The following PTPRZ1 variants were observed in gnomAD, a reference collection of about 807,000 sequenced individuals.
PTPRZ1 encodes receptor-type tyrosine-protein phosphatase zeta.
In PTPRZ1, 82 loss-of-function variants were observed where a neutral mutation model predicts 214.1. The ratio of observed to expected loss-of-function variants is 0.38; its 90% confidence interval spans 0.32 to 0.46. The LOEUF is 0.46. PTPRZ1 is among the 20% of genes least tolerant of loss of function. PTPRZ1 has a pLI of 1.00. For synonymous variants in PTPRZ1, 945 were observed against 987.9 expected, an observed-to-expected ratio of 0.96 and a Z score of 0.81; for missense variants, 2,603 against 2,748.7, an observed-to-expected ratio of 0.95 and a Z score of 1.19.
Position 122,010,705 on chromosome 7 carries a change from G to A in PTPRZ1, c.1659G>A (p.Leu553=). 3 of 1,613,946 alleles carry A rather than the reference G, an allele frequency of 1.9e-6. No individual in the cohort carries two copies. Among genetic ancestry groups the A allele is most frequent in the Non-Finnish European group, 2.5e-6 (3 of 1,179,938 alleles). ...KTVLRSPHMN[L]SGTAESLNTV... ...TTCTTAGATCTCCACATATGAACTT[G>A]TCGGGGACTGCAGAATCCTTAAATA... Residue 553 remains leucine (L), a synonymous_variant, in exon 12 of 30, where the codon TTG becomes TTA. Transcript: ENST00000393386.
intron 1 of PTPRZ1, among the ~76,000 whole-genome samples, chr7:121,901,476 G>A (rs181161013): frequency 1.4e-4 from 22 of 152,206 alleles, no homozygotes; most frequent in Non-Finnish European, 1.5e-5. Context: ...CAATTACAGA[G>A]TTACCAAAAA....
chr7:122,011,833 C>A lies in PTPRZ1; in HGVS notation c.2787C>A (p.Ala929=), dbSNP rs747526069. ...CTTCAGGGCCTGAACCTTCTTATGC[C>A]TTGTCTGATAATGAGGGCTCCCAAC... ...ARSSGPEPSY[A]LSDNEGSQHI... The change falls in exon 12 of 30, where the codon GCC becomes GCA. Residue 929 remains alanine, a synonymous_variant. Transcript: ENST00000393386. The A allele has an allele frequency of 5.0e-6, 8 of 1,613,776 alleles. No individual in the cohort carries two copies. Among genetic ancestry groups the A allele is most frequent in the Non-Finnish European group, 6.8e-6 (8 of 1,179,776 alleles).
Position 122,021,468 on chromosome 7 carries a change from CACACCTGT to C in PTPRZ1, c.4988+2202_4988+2209del, listed in dbSNP as rs1799014677. Among the ~76,000 whole-genome samples the C allele has an allele frequency of 3.9e-5, 6 of 152,214 alleles. No homozygotes were observed. In the South Asian group the frequency reaches 1.2e-3, roughly 32 times the overall value. On this transcript the variant is annotated intron_variant, in intron 13 of 29. Coordinates refer to ENST00000393386, the MANE Select transcript of PTPRZ1 (RefSeq NM_002851.3). ...AGTATTTTGGCCAGGCACAGTGGCTCACACCTGTAATCCCAGCAATTTGCAAAGGTGAA... is the reference window on the plus strand; with the variant it reads ...AGTATTTTGGCCAGGCACAGTGGCTCAATCCCAGCAATTTGCAAAGGTGAA...
chr7:121,959,858 G>A (rs1796822613), intron 2 of PTPRZ1, among the ~76,000 whole-genome samples: 1 of 152,194 alleles, frequency 6.6e-6, no homozygotes, highest in African/African-American at 2.4e-5. Context: ...GTTTGGGTAT[G>A]TTTGTTAGCA....
intron 14 of PTPRZ1, among the ~76,000 whole-genome samples, chr7:122,030,038 GT>G (rs377503442): frequency 3.6e-4 from 55 of 151,944 alleles, no homozygotes; most frequent in African/African-American, 1.3e-3. Context: ...ATCAGCATGG[GT>G]ATGCAGATTA....
At chr7:121,975,177 A>AC (rs1331659790) in intron 4 of PTPRZ1, among the ~76,000 whole-genome samples, 1 of 151,924 alleles carries the variant, frequency 6.6e-6, no homozygotes, top group Non-Finnish European at 1.5e-5. Flanking sequence ...ACAGAGTGAG[A>AC]CCCCCTCTCA....
At chr7:121,974,078 A>T (rs1354361108) in intron 4 of PTPRZ1, among the ~76,000 whole-genome samples, 1 of 152,030 alleles carries the variant, frequency 6.6e-6, no homozygotes, top group Non-Finnish European at 1.5e-5. Context: ...ACCTAGAATG[A>T]AACTATTCAT....
chr7:121,999,604 C>T (rs10248715), intron 10 of PTPRZ1, among the ~76,000 whole-genome samples: 12,428 of 152,164 alleles, frequency 0.082, 721 homozygotes, highest in East Asian at 0.2. Context: ...ACTCTAATTT[C>T]GTACCTAAAA....
intron 6 of PTPRZ1, 69 bp downstream of exon 6, chr7:121,976,920 AC>A: frequency 7.4e-7 from 1 of 1,345,696 alleles, no homozygotes; most frequent in Non-Finnish European, 1.0e-6. Flanking sequence ...TGACAATACG[AC>A]AAAAGTCACT....
chr7:122,042,805 G>A (rs1799773743), intron 22 of PTPRZ1, 62 bp downstream of exon 22: 1 of 1,531,316 alleles, frequency 6.5e-7, no homozygotes, highest in Admixed American at 1.7e-5. Flanking sequence ...TAAAATGTAG[G>A]TGTATTCATC....
chr7:121,938,310 A>C (rs537050225), intron 2 of PTPRZ1, among the ~76,000 whole-genome samples: 47 of 152,382 alleles, frequency 3.1e-4, no homozygotes, highest in Middle Eastern at 6.8e-3. Context: ...AAATAGGTAC[A>C]ACCCATTGCA....
chr7:122,059,735 C>CTT lies in PTPRZ1; in HGVS notation c.6672-7_6672-6dup, dbSNP rs55805372. The CTT allele has an allele frequency of 1.2e-4, 157 of 1,275,872 alleles. No individual in the cohort carries two copies. The highest frequency in any genetic ancestry group is 2.7e-4 in the Admixed American group (12 of 45,148). The allele number at this position is 1,275,872 out of a possible 1,614,324, so 79.0% of individuals were successfully genotyped here. A position where few individuals can be genotyped will look rare whatever the true frequency, so the allele number is the denominator to read the frequency against. On this transcript the variant is annotated splice_polypyrimidine_tract_variant and intron_variant, in intron 28 of 29. Transcript: ENST00000393386. Reference sequence around the variant, plus strand: ...TCTCAATGGAGTCTTTGTTCCTTTTCTTTTTTTTTTTTACAAGGCATGGAG... The same window carrying CTT: ...TCTCAATGGAGTCTTTGTTCCTTTTCTTTTTTTTTTTTTTACAAGGCATGGAG...
chr7:121,956,802 A>C (rs1796720754), intron 2 of PTPRZ1, among the ~76,000 whole-genome samples: 1 of 152,248 alleles, frequency 6.6e-6, no homozygotes, highest in Admixed American at 6.5e-5. Flanking sequence ...TGTCAAAGTC[A>C]GGAAATCTTT....
chr7:122,022,338 A>G (rs1799042302), intron 13 of PTPRZ1, among the ~76,000 whole-genome samples: 1 of 152,212 alleles, frequency 6.6e-6, no homozygotes, highest in South Asian at 2.1e-4. Context: ...ATGTGTATTC[A>G]AATCCTTTGC....
chr7:121,965,783 G>A (rs1797032026), intron 2 of PTPRZ1, among the ~76,000 whole-genome samples: 1 of 152,172 alleles, frequency 6.6e-6, no homozygotes, highest in Admixed American at 6.5e-5. Flanking sequence ...ACAGAATTGT[G>A]AAAGGAGCAA....
intron 2 of PTPRZ1, among the ~76,000 whole-genome samples, chr7:121,941,166 G>A (rs942343870): frequency 1.3e-5 from 2 of 152,196 alleles, no homozygotes; most frequent in African/African-American, 2.4e-5. Flanking sequence ...AGTGTGTATG[G>A]CATGAATGGA....
At chr7:122,028,524 A>C (rs369351285) in intron 13 of PTPRZ1, 28 bp from the exon 14 acceptor site, 5 of 1,441,554 alleles carry the variant, frequency 3.5e-6, no homozygotes, top group Non-Finnish European at 4.9e-6. Context: ...AGCAACTAGT[A>C]GTATAAATTG....
intron 2 of PTPRZ1, among the ~76,000 whole-genome samples, chr7:121,930,090 C>G (rs1007833992): frequency 1.3e-5 from 2 of 151,972 alleles, no homozygotes; most frequent in African/African-American, 4.8e-5. Context: ...TATACCTCTT[C>G]AGTGCAATAA....
chr7:121,937,534 CCT>C (rs35235809), intron 2 of PTPRZ1, among the ~76,000 whole-genome samples: 93,579 of 151,754 alleles, frequency 0.62, 29,435 homozygotes, highest in African/African-American at 0.73. Flanking sequence ...TAGTGGGGCT[CCT>C]CTTCTGAAAG....
Sources: gnomAD v4.1 joint callset for allele counts (sites outside exome capture counted in the v4.1 genomes callset) on GRCh38, gnomAD v4.1.1 for gene constraint, MANE v1.5 for transcripts, NCBI Gene and HGNC (gene_info 2026-07-23, HGNC 2026-07-21) for gene names.